The following NAMPT variants were observed in gnomAD, a reference collection of about 807,000 sequenced individuals.
NAMPT encodes the protein NAmPRTase.
NAMPT carries 7 observed loss-of-function variants against 58.7 expected under a neutral mutation model. The ratio of observed to expected loss-of-function variants is 0.12; its 90% confidence interval spans 0.07 to 0.22. The LOEUF is 0.22. Among genes scored for constraint, NAMPT ranks in the 10% least tolerant of loss-of-function variants. The pLI is 1.00. For missense variants in NAMPT, 271 were observed against 567.9 expected (o/e 0.48, Z 5.31); for synonymous variants, 145 against 198.1 (o/e 0.73, Z 2.25).
rs1381104863 is a variant in NAMPT, at chr7:106,272,804, ATATCCT to A, written c.319-152_319-147del. 8 of 765,984 alleles carry A rather than the reference ATATCCT, an allele frequency of 1.0e-5. No homozygotes were observed. In the East Asian group the frequency reaches 1.7e-4, roughly 16 times the overall value. 47.4% of individuals were successfully genotyped at this position (765,984 alleles called of 1,614,324 possible). Reference sequence around the variant, plus strand: ...TAGATGTTACTGTAATCTAGTCAGAATATCCTTATCCTTCTAAAATAAAACTAGTTA... The same window carrying A: ...TAGATGTTACTGTAATCTAGTCAGAATATCCTTCTAAAATAAAACTAGTTA... On this transcript the variant is annotated intron_variant, in intron 3 of 10. Transcript: ENST00000222553.
rs185175410 is a variant in NAMPT at position 106,259,041 on chromosome 7, T to G, written c.1089+2547A>C. The stretch of plus-strand genomic sequence containing the variant: ...CCCTGCTTTGGTTTTATCAACTGAT[T>G]TTACTGATATTCGAAGTCCTTTGTT... On this transcript the variant is annotated intron_variant, in intron 8 of 10. Transcript: ENST00000222553. Among the ~76,000 whole-genome samples, 709 of 152,362 alleles carry G rather than the reference T, an allele frequency of 4.7e-3. 8 individuals carry two copies. The highest frequency in any genetic ancestry group is 0.016 in the African/African-American group (658 of 41,584).
At chr7:106,251,330 T>TA (rs2115713433) in intron 10 of NAMPT, 137 bp from the exon 11 acceptor site, 1 of 632,204 alleles carries the variant, frequency 1.6e-6, no homozygotes, top group Non-Finnish European at 2.8e-6. Flanking sequence ...ATTTGATGCA[T>TA]AAAAAATGCT....
At chr7:106,257,864 T>C (rs1357678745) in intron 8 of NAMPT, among the ~76,000 whole-genome samples, 2 of 150,978 alleles carry the variant, frequency 1.3e-5, no homozygotes, top group Non-Finnish European at 3.0e-5. Flanking sequence ...TACAGTACCC[T>C]GCCATGTTCT....
intron 1 of NAMPT, among the ~76,000 whole-genome samples, chr7:106,279,539 G>C (rs1398520280): frequency 1.3e-5 from 2 of 152,154 alleles, no homozygotes; most frequent in African/African-American, 2.4e-5. Flanking sequence ...AGTTTTGCTA[G>C]CTTACTGTCC....
At chr7:106,261,793 G>A in intron 7 of NAMPT, 86 bp from the exon 8 acceptor site, 3 of 1,378,950 alleles carry the variant, frequency 2.2e-6, no homozygotes, top group Non-Finnish European at 3.0e-6. Context: ...ATTTTGCTTT[G>A]ATAATCGAGA....
chr7:106,265,588 A>C (rs902171047), intron 6 of NAMPT, among the ~76,000 whole-genome samples: 30 of 150,358 alleles, frequency 2.0e-4, no homozygotes, highest in Middle Eastern at 3.2e-3. Context: ...AAAAAAAAAA[A>C]GTCCCTGCAT....
chr7:106,258,911 T>C (rs931301237), intron 8 of NAMPT, among the ~76,000 whole-genome samples: 1 of 150,930 alleles, frequency 6.6e-6, no homozygotes, highest in African/African-American at 2.5e-5. Context: ...TCACGTCAAT[T>C]GACTCTATCA....
chr7:106,253,204 G>C, intron 9 of NAMPT, 53 bp from the exon 10 acceptor site: 2 of 1,576,342 alleles, frequency 1.3e-6, no homozygotes, highest in Non-Finnish European at 8.6e-7. Flanking sequence ...CATCAGAAAT[G>C]TCTAAACACT....
intron 7 of NAMPT, among the ~76,000 whole-genome samples, chr7:106,262,099 G>A (rs372060447): frequency 1.8e-4 from 28 of 152,052 alleles, no homozygotes; most frequent in East Asian, 7.7e-4. Context: ...TTCTGCTTGT[G>A]CCCAATGACT....
At chr7:106,268,833 TC>T (rs370963290) in intron 5 of NAMPT, among the ~76,000 whole-genome samples, 54 of 152,306 alleles carry the variant, frequency 3.5e-4, no homozygotes, top group African/African-American at 1.2e-3. Flanking sequence ...TTTAACAGTG[TC>T]CCACCCCCAC....
intron 1 of NAMPT, among the ~76,000 whole-genome samples, chr7:106,281,021 C>A (rs1344692011): frequency 6.7e-6 from 1 of 150,208 alleles, no homozygotes; most frequent in Non-Finnish European, 1.5e-5. Context: ...TAATTTACTT[C>A]ATGAAAGGAT....
intron 1 of NAMPT, among the ~76,000 whole-genome samples, chr7:106,282,403 A>G (rs1299950974): frequency 2.6e-5 from 4 of 152,192 alleles, no homozygotes; most frequent in Non-Finnish European, 4.4e-5. Context: ...AATATGCTGA[A>G]TTCTAGATAA....
rs1054218988 is a variant in NAMPT, at chr7:106,276,960, A to G, written c.214+63T>C. On this transcript the variant is annotated intron_variant, in intron 2 of 10. Coordinates refer to ENST00000222553, the MANE Select transcript of NAMPT (RefSeq NM_005746.3). ...TTAACAGATTTGTTAAAAATTCTAA[A>G]AGAACTCCTAAAGGAGTTAAGAGTA... The G allele has an allele frequency of 1.2e-5, 15 of 1,278,768 alleles. No homozygotes were observed. The African/African-American group carries it at 1.3e-4, about 11-fold the overall frequency. The allele number at this position is 1,278,768 out of a possible 1,614,324, so 79.2% of individuals were successfully genotyped here. A position where few individuals can be genotyped will look rare whatever the true frequency, so the allele number is the denominator to read the frequency against.
Position 106,249,138 on chromosome 7 carries a change from G to A in NAMPT, c.*1945C>T, listed in dbSNP as rs1437853418. ...CTTAGCACATTTTGTGAAGAAATGT[G>A]TGTTTTTCTTAATACTACTCATCTT... is the stretch of plus-strand genomic sequence containing the variant. On this transcript the variant is annotated 3_prime_UTR_variant, in exon 11 of 11. Transcript: ENST00000222553. 2.6e-5 allele frequency: 4 copies of A among 152,288 alleles called. No individual in the cohort carries two copies. The highest frequency in any genetic ancestry group is 4.8e-5 in the African/African-American group (2 of 41,358). The allele number at this position is 152,288 out of a possible 1,614,324, so 9.4% of individuals were successfully genotyped here. A position where few individuals can be genotyped will look rare whatever the true frequency, so the allele number is the denominator to read the frequency against.
chr7:106,258,077 TTTC>T (rs1456005768), intron 8 of NAMPT, among the ~76,000 whole-genome samples: 1 of 152,172 alleles, frequency 6.6e-6, no homozygotes, highest in Non-Finnish European at 1.5e-5. Flanking sequence ...CCTGCAGACT[TTTC>T]TTCTATTTCT....
intron 7 of NAMPT, among the ~76,000 whole-genome samples, chr7:106,262,186 C>T (rs537246074): frequency 3.3e-5 from 5 of 152,170 alleles, no homozygotes; most frequent in Non-Finnish European, 5.9e-5. Flanking sequence ...GAAAGGCAGA[C>T]ACAGCATCTA....
At chr7:106,271,254 T>C (rs1467885515) in intron 4 of NAMPT, among the ~76,000 whole-genome samples, 1 of 152,164 alleles carries the variant, frequency 6.6e-6, no homozygotes, top group African/African-American at 2.4e-5. Context: ...GCAGTCCCCA[T>C]AGGACTATCT....
At chr7:106,254,317 A>G (rs1388507001) in intron 9 of NAMPT, 47 bp downstream of exon 9, 2 of 1,598,456 alleles carry the variant, frequency 1.3e-6, no homozygotes, top group East Asian at 2.2e-5. Context: ...TTCTACCTAG[A>G]TACATAAGGA....
chr7:106,282,582 T>C (rs771245957), intron 1 of NAMPT, among the ~76,000 whole-genome samples: 29 of 152,242 alleles, frequency 1.9e-4, no homozygotes, highest in Non-Finnish European at 3.1e-4. Context: ...CAATAAAGTA[T>C]GAGTTTACAG....
Sources: gnomAD v4.1 joint callset for allele counts (sites outside exome capture counted in the v4.1 genomes callset) on GRCh38, gnomAD v4.1.1 for gene constraint, MANE v1.5 for transcripts, NCBI Gene and HGNC (gene_info 2026-07-23, HGNC 2026-07-21) for gene names.